Variants in KCNIP4 observed in about 807,000 individuals in gnomAD.
KCNIP4 encodes the protein potassium voltage-gated channel interacting protein 4.
A neutral mutation model predicts 34.0 loss-of-function variants in KCNIP4; 12 were observed. That is an observed-to-expected ratio of 0.35 (90% confidence interval 0.23 to 0.57). KCNIP4 has a LOEUF of 0.57. KCNIP4 is among the 20% of genes least tolerant of loss of function. The probability of loss-of-function intolerance (pLI) is 0.83; values close to 1 mark genes in which losing one functional copy is unlikely to be tolerated. For synonymous variants in KCNIP4, 124 were observed against 102.2 expected (o/e 1.21, Z -1.29); for missense variants, 238 against 311.7 (o/e 0.76, Z 1.78).
intron 1 of KCNIP4, among the ~76,000 whole-genome samples, chr4:20,885,980 C>A (rs1375655078): frequency 6.6e-6 from 1 of 152,120 alleles, no homozygotes; most frequent in African/African-American, 2.4e-5. Context: ...AGATTATGAA[C>A]AGTTATTATA....
chr4:21,378,424 A>T (rs1417433472), intron 1 of KCNIP4, among the ~76,000 whole-genome samples: 2 of 152,164 alleles, frequency 1.3e-5, no homozygotes, highest in African/African-American at 4.8e-5. Context: ...CAGTGATGGA[A>T]ATCTGCTCTC....
At chr4:20,803,206 GAAGA>G (rs1714581519) in intron 3 of KCNIP4, among the ~76,000 whole-genome samples, 1 of 147,748 alleles carries the variant, frequency 6.8e-6, no homozygotes, top group South Asian at 2.1e-4. Context: ...ATTAAAAAAA[GAAGA>G]AAGATCTCAA....
intron 1 of KCNIP4, among the ~76,000 whole-genome samples, chr4:21,355,699 T>C (rs12641235): frequency 0.049 from 7,462 of 152,178 alleles, 269 homozygotes; most frequent in East Asian, 0.15. Flanking sequence ...ACCAGATGGA[T>C]TCACAGCCGA....
chr4:21,040,021 T>C (rs1000170745), intron 1 of KCNIP4, among the ~76,000 whole-genome samples: 2 of 150,990 alleles, frequency 1.3e-5, no homozygotes, highest in East Asian at 3.9e-4. Context: ...GGTGAGAGAG[T>C]GCGTGTGTGA....
intron 1 of KCNIP4, among the ~76,000 whole-genome samples, chr4:21,097,137 T>G (rs1166503701): frequency 6.6e-6 from 1 of 152,044 alleles, no homozygotes; most frequent in African/African-American, 2.4e-5. Flanking sequence ...CACCAAGACA[T>G]GTACAGAGAT....
chr4:21,315,769 C>T (rs17460344), intron 1 of KCNIP4, among the ~76,000 whole-genome samples: 49,428 of 152,074 alleles, frequency 0.33, 8,558 homozygotes, highest in Middle Eastern at 0.44. Context: ...TGTGAAGCCT[C>T]TCTTCCCTTC....
chr4:21,717,166 T>C (rs564094182), intron 1 of KCNIP4, among the ~76,000 whole-genome samples: 1 of 152,146 alleles, frequency 6.6e-6, no homozygotes, highest in African/African-American at 2.4e-5. Context: ...ATTAGCAGCA[T>C]CCTTGGCCTC....
At chr4:21,156,531 T>C (rs1417381254) in intron 1 of KCNIP4, among the ~76,000 whole-genome samples, 1 of 152,132 alleles carries the variant, frequency 6.6e-6, no homozygotes, top group Non-Finnish European at 1.5e-5. Flanking sequence ...ATGAGAAATA[T>C]ACATTAATTC....
chr4:21,428,188 C>T (rs1231842833), intron 1 of KCNIP4, among the ~76,000 whole-genome samples: 1 of 152,140 alleles, frequency 6.6e-6, no homozygotes, highest in Admixed American at 6.5e-5. Context: ...ATGATTATTA[C>T]AGGCATAGTG....
chr4:21,095,856 T>C (rs929656076), intron 1 of KCNIP4, among the ~76,000 whole-genome samples: 3 of 152,212 alleles, frequency 2.0e-5, no homozygotes, highest in African/African-American at 7.2e-5. Context: ...ATCTGCTTAG[T>C]TGTTATGCAC....
intron 2 of KCNIP4, among the ~76,000 whole-genome samples, chr4:20,870,588 G>T (rs192999364): frequency 2.0e-5 from 3 of 152,082 alleles, no homozygotes; most frequent in Non-Finnish European, 4.4e-5. Flanking sequence ...GCTTCATTTT[G>T]CAGGCACTTC....
Position 20,840,683 on chromosome 4 carries a change from C to T in KCNIP4, c.288+9860G>A, listed in dbSNP as rs997602485. Among the ~76,000 whole-genome samples, 14 of 152,116 alleles carry T rather than the reference C, an allele frequency of 9.2e-5. 1 individual carries two copies. Among genetic ancestry groups the T allele is most frequent in the Admixed American group, 6.5e-5 (1 of 15,276 alleles). The stretch of plus-strand genomic sequence containing the variant: ...GAGTTGAACAGAAGTCCCATCCTGT[C>T]CCCAACGGAGTCACATAGGATTAGG... On this transcript the variant is annotated intron_variant, in intron 3 of 8. Coordinates refer to ENST00000382152, the MANE Select transcript of KCNIP4 (RefSeq NM_025221.6).
chr4:20,905,929 C>T (rs1174120069), intron 1 of KCNIP4, among the ~76,000 whole-genome samples: 2 of 152,008 alleles, frequency 1.3e-5, no homozygotes, highest in African/African-American at 2.4e-5. Context: ...CAAATATAGT[C>T]GCATTCTGAG....
intron 1 of KCNIP4, among the ~76,000 whole-genome samples, chr4:21,309,201 A>G (rs1250694768): frequency 6.6e-6 from 1 of 152,170 alleles, no homozygotes; most frequent in African/African-American, 2.4e-5. Context: ...CAGGCTGGGA[A>G]GGCTTTAAAG....
intron 1 of KCNIP4, among the ~76,000 whole-genome samples, chr4:21,860,737 T>C (rs1484836425): frequency 6.6e-6 from 1 of 152,186 alleles, no homozygotes; most frequent in African/African-American, 2.4e-5. Flanking sequence ...CATGGATGCT[T>C]GTATACACAA....
intron 3 of KCNIP4, among the ~76,000 whole-genome samples, chr4:20,809,905 C>T (rs1397224423): frequency 6.6e-6 from 1 of 152,182 alleles, no homozygotes; most frequent in African/African-American, 2.4e-5. Flanking sequence ...CTAAATGAGA[C>T]ATCCAAAGGC....
intron 1 of KCNIP4, among the ~76,000 whole-genome samples, chr4:21,117,633 T>C (rs377159480): frequency 5.9e-5 from 9 of 152,308 alleles, no homozygotes; most frequent in African/African-American, 2.2e-4. Context: ...ACCAGCTTAG[T>C]CTAACTCCCT....
chr4:20,803,133 C>A (rs936788698), intron 3 of KCNIP4, among the ~76,000 whole-genome samples: 4 of 138,750 alleles, frequency 2.9e-5, no homozygotes, highest in African/African-American at 1.1e-4. Flanking sequence ...TACAACATAC[C>A]AAAACCTATG....
rs138030334 is a variant in KCNIP4 at position 20,839,996 on chromosome 4, C to A, written c.288+10547G>T. Among the ~76,000 whole-genome samples the A allele has an allele frequency of 2.0e-5, 3 of 152,304 alleles. No homozygotes were observed. In the East Asian group the frequency reaches 5.8e-4, roughly 29 times the overall value. ...GGAAAGTGTCTACCATTCTTTGAAG[C>A]AAATGGCTCACTGTGCTTAAACTGT... On this transcript the variant is annotated intron_variant, in intron 3 of 8. Coordinates refer to ENST00000382152, the MANE Select transcript of KCNIP4 (RefSeq NM_025221.6).
Sources: gnomAD v4.1 joint callset for allele counts (sites outside exome capture counted in the v4.1 genomes callset) on GRCh38, gnomAD v4.1.1 for gene constraint, MANE v1.5 for transcripts, NCBI Gene and HGNC (gene_info 2026-07-23, HGNC 2026-07-21) for gene names.